The following HECW1 variants were observed in gnomAD, a reference collection of about 807,000 sequenced individuals.
The protein encoded by HECW1 is E3 ubiquitin-protein ligase HECW1.
HECW1 carries 61 observed loss-of-function variants against 182.3 expected under a neutral mutation model. The observed-to-expected ratio is 0.33, with a 90% CI of 0.27 to 0.41. The LOEUF is 0.41. Among genes scored for constraint, HECW1 ranks in the 10% least tolerant of loss-of-function variants. The pLI, the probability that HECW1 is intolerant of heterozygous loss-of-function variation, is 1.00. For synonymous variants in HECW1, 859 were observed against 832.6 expected, an observed-to-expected ratio of 1.03 and a Z score of -0.55; for missense variants, 1,739 against 2,108.9, an observed-to-expected ratio of 0.82 and a Z score of 3.44.
chr7:43,339,959 T>A (rs373544331), intron 5 of HECW1, among the ~76,000 whole-genome samples: 1 of 151,996 alleles, frequency 6.6e-6, no homozygotes, highest in East Asian at 1.9e-4. Flanking sequence ...TATTTGTGAA[T>A]GTCTGAGGGG....
At chr7:43,336,144 T>TCTCTCTCTCTCTCTCTCTCTCTCTC (rs1812211759) in intron 5 of HECW1, among the ~76,000 whole-genome samples, 1 of 51,924 alleles carries the variant, frequency 1.9e-5, no homozygotes, top group Non-Finnish European at 3.7e-5. Flanking sequence ...CTCTCTCTCT[T>TCTCTCTCTCTCTCTCTCTCTCTCTC]TCTCTCTCTC....
chr7:43,447,445 G>A (rs2152881139), intron 11 of HECW1, among the ~76,000 whole-genome samples: 1 of 152,322 alleles, frequency 6.6e-6, no homozygotes, highest in East Asian at 1.9e-4. Context: ...AGTTTCTAAA[G>A]AAATATCTAA....
chr7:43,363,325 A>G (rs1324264669), intron 6 of HECW1, among the ~76,000 whole-genome samples: 1 of 152,228 alleles, frequency 6.6e-6, no homozygotes. Context: ...CACTGTTGAC[A>G]TAAGGTTCAG....
intron 2 of HECW1, among the ~76,000 whole-genome samples, chr7:43,233,803 A>G (rs1798076513): frequency 6.6e-6 from 1 of 152,142 alleles, no homozygotes; most frequent in Non-Finnish European, 1.5e-5. Context: ...TCCTGTGTTT[A>G]TTGGAGCTCT....
At chr7:43,294,957 A>T (rs1346951957) in intron 3 of HECW1, among the ~76,000 whole-genome samples, 1 of 152,118 alleles carries the variant, frequency 6.6e-6, no homozygotes, top group African/African-American at 2.4e-5. Context: ...AATATGTAAG[A>T]TGTACATTGA....
At chr7:43,209,132 G>A (rs1161525376) in intron 2 of HECW1, among the ~76,000 whole-genome samples, 5 of 152,058 alleles carry the variant, frequency 3.3e-5, no homozygotes, top group Non-Finnish European at 2.9e-5. Context: ...CCTGTGGTGT[G>A]AGGCCCCAAA....
chr7:43,203,910 A>G lies in HECW1; in HGVS notation c.-31-39965A>G, dbSNP rs185077845. Among the ~76,000 whole-genome samples, 217 of 152,344 alleles carry G rather than the reference A, an allele frequency of 1.4e-3. 2 individuals carry two copies. Among genetic ancestry groups the G allele is most frequent in the African/African-American group, 4.2e-3 (176 of 41,580 alleles). ...AGCTGACAATTCTTGCTATTATGTA[A>G]TATCTTGTATTCACTATGTTTAGAT... On this transcript the variant is annotated intron_variant, in intron 2 of 29. Transcript: ENST00000395891.
rs1802560838 is a variant in HECW1, at chr7:43,272,697, G to C, written c.27+28765G>C. ...GATGATGGCATGGCTGTGGAGAAAAGGGAACATTTATACACTGCTGGTGGG... is the reference window on the plus strand; with the variant it reads ...GATGATGGCATGGCTGTGGAGAAAACGGAACATTTATACACTGCTGGTGGG... On this transcript the variant is annotated intron_variant, in intron 3 of 29. Coordinates refer to ENST00000395891, the MANE Select transcript of HECW1 (RefSeq NM_015052.5). 2.6e-5 allele frequency among the ~76,000 whole-genome samples: 4 copies of C among 152,268 alleles called. 1 individual carries two copies. The highest frequency in any genetic ancestry group is 6.8e-3 in the Middle Eastern group (2 of 294).
At chr7:43,146,706 T>C (rs1788753313) in intron 2 of HECW1, among the ~76,000 whole-genome samples, 1 of 152,176 alleles carries the variant, frequency 6.6e-6, no homozygotes, top group South Asian at 2.1e-4. Context: ...AAATAGAGGA[T>C]GTATGATGGA....
At chr7:43,480,611 TTGTG>T (rs33990930) in intron 17 of HECW1, among the ~76,000 whole-genome samples, 1 of 151,058 alleles carries the variant, frequency 6.6e-6, no homozygotes, top group African/African-American at 2.4e-5. Context: ...GTGAGTGAGT[TTGTG>T]TGTGTGTGCG....
intron 2 of HECW1, among the ~76,000 whole-genome samples, chr7:43,210,098 C>A (rs539634353): frequency 6.6e-6 from 1 of 152,238 alleles, no homozygotes; most frequent in Admixed American, 6.5e-5. Flanking sequence ...CTGGCCTGAG[C>A]GGACCCAGCC....
chr7:43,298,476 A>G (rs765284130), intron 3 of HECW1, among the ~76,000 whole-genome samples: 1 of 152,216 alleles, frequency 6.6e-6, no homozygotes, highest in Non-Finnish European at 1.5e-5. Context: ...ATAAAGCAGT[A>G]GTCATATGCC....
chr7:43,425,916 C>T (rs1325491364), intron 8 of HECW1, among the ~76,000 whole-genome samples: 3 of 152,108 alleles, frequency 2.0e-5, no homozygotes, highest in Admixed American at 6.5e-5. Context: ...GAGAAGAGGA[C>T]ATATATTATT....
intron 8 of HECW1, among the ~76,000 whole-genome samples, chr7:43,429,439 G>C (rs1256678907): frequency 6.6e-6 from 1 of 151,228 alleles, no homozygotes; most frequent in African/African-American, 2.4e-5. Context: ...ACTGGGAGGG[G>C]CAGATCTTCT....
chr7:43,419,767 T>G (rs1463926581), intron 8 of HECW1, among the ~76,000 whole-genome samples: 1 of 152,230 alleles, frequency 6.6e-6, no homozygotes, highest in Non-Finnish European at 1.5e-5. Context: ...AATATAAATT[T>G]AATTTCCCCA....
At chr7:43,118,501 A>G (rs1489531284) in intron 2 of HECW1, 3 of 152,436 alleles carry the variant, frequency 2.0e-5, no homozygotes, top group Non-Finnish European at 4.4e-5. Flanking sequence ...AGCTGATGAA[A>G]TCAATCAGCA....
intron 21 of HECW1, among the ~76,000 whole-genome samples, chr7:43,505,479 C>T (rs1042348894): frequency 2.6e-5 from 4 of 152,216 alleles, no homozygotes; most frequent in African/African-American, 9.6e-5. Context: ...TATGCAAGGG[C>T]TTCCTACTAC....
chr7:43,432,890 G>A lies in HECW1; in HGVS notation c.802-5113G>A, dbSNP rs2076596882. Among the ~76,000 whole-genome samples the A allele has an allele frequency of 6.6e-6, 1 of 152,174 alleles. No homozygotes were observed. Among genetic ancestry groups the A allele is most frequent in the Admixed American group, 6.5e-5 (1 of 15,278 alleles). Reference sequence around the variant, plus strand: ...CTCAGATCTTTTCTGAAGCAAGATGGAATATAATAAGCATCTTAGTTCTAT... The same window carrying A: ...CTCAGATCTTTTCTGAAGCAAGATGAAATATAATAAGCATCTTAGTTCTAT... On this transcript the variant is annotated intron_variant, in intron 8 of 29. Transcript: ENST00000395891. This position sits in a 1 kb window ranked among gnomAD's most constrained non-coding sequence, Gnocchi z 4.1.
intron 7 of HECW1, among the ~76,000 whole-genome samples, chr7:43,403,398 A>G (rs2075493302): frequency 6.6e-6 from 1 of 152,180 alleles, no homozygotes. Flanking sequence ...GATGCTGTTT[A>G]GTACAGTTTA....
Sources: gnomAD v4.1 joint callset for allele counts (sites outside exome capture counted in the v4.1 genomes callset) on GRCh38, gnomAD v4.1.1 for gene constraint, Gnocchi (gnomAD v3.1) non-coding constraint, MANE v1.5 for transcripts, NCBI Gene and HGNC (gene_info 2026-07-23, HGNC 2026-07-21) for gene names.